Variants in GMCL1 observed in about 807,000 individuals in gnomAD.
GMCL1 encodes germ cell-less 1, spermatogenesis associated.
A neutral mutation model predicts 75.5 loss-of-function variants in GMCL1; 54 were observed. The ratio of observed to expected loss-of-function variants is 0.71; its 90% CI spans 0.57 to 0.90. The LOEUF is 0.90. Ranked by LOEUF, GMCL1 falls within the 40% of genes least tolerant of loss-of-function variation. The pLI, the probability that GMCL1 is intolerant of heterozygous loss-of-function variation, is 0.00. For missense variants in GMCL1, 537 were observed against 622.7 expected, an observed-to-expected ratio of 0.86 and a Z score of 1.47; for synonymous variants, 210 against 209.6, an observed-to-expected ratio of 1.00 and a Z score of -0.02.
At chr2:69,834,955 G>A (rs1674777945) in intron 1 of GMCL1, among the ~76,000 whole-genome samples, 1 of 151,770 alleles carries the variant, frequency 6.6e-6, no homozygotes, top group African/African-American at 2.4e-5. Context: ...TCATTAGGTT[G>A]TTTGGCCCTA....
intron 11 of GMCL1, among the ~76,000 whole-genome samples, chr2:69,868,302 C>G (rs1675878988): frequency 6.6e-6 from 1 of 151,986 alleles, no homozygotes; most frequent in South Asian, 2.1e-4. Context: ...ATGTTATTTA[C>G]TGCTATGATT....
At chr2:69,833,743 A>C (rs1437685012) in intron 1 of GMCL1, among the ~76,000 whole-genome samples, 8 of 152,240 alleles carry the variant, frequency 5.3e-5, no homozygotes, top group Admixed American at 5.2e-4. Context: ...CTTTATGAGA[A>C]GTTTTAGCTT....
At chr2:69,869,588 C>A (rs927430519) in intron 11 of GMCL1, 131 bp from the exon 12 acceptor site, 23 of 786,822 alleles carry the variant, frequency 2.9e-5, no homozygotes, top group African/African-American at 3.5e-5. Flanking sequence ...GAAAAAGTCA[C>A]TGACAAAAAG....
intron 7 of GMCL1, 35 bp downstream of exon 7, chr2:69,847,662 A>C: frequency 7.8e-7 from 1 of 1,282,700 alleles, no homozygotes; most frequent in Non-Finnish European, 1.1e-6. Context: ...TTATACAAGG[A>C]TGTCACCTCA....
Position 69,859,742 on chromosome 2 carries a change from T to TAAAA in GMCL1, c.1073-1523_1073-1520dup, listed in dbSNP as rs1207817401. ...GAGTGAGACCGTGTCTCTCTCTCTC[T>TAAAA]AAAAAAAAAAAAAAAAGTATATATG... On this transcript the variant is annotated intron_variant, in intron 9 of 13. Transcript: ENST00000282570. Among the ~76,000 whole-genome samples, 33 of 79,096 alleles carry TAAAA rather than the reference T, an allele frequency of 4.2e-4. 1 individual carries two copies. The highest frequency in any genetic ancestry group is 6.3e-3 in the Middle Eastern group (1 of 160). 51.9% of individuals were successfully genotyped at this position (79,096 alleles called of 152,430 possible).
At chr2:69,832,870 G>A (rs1674714618) in intron 1 of GMCL1, among the ~76,000 whole-genome samples, 1 of 152,132 alleles carries the variant, frequency 6.6e-6, no homozygotes, top group Non-Finnish European at 1.5e-5. Flanking sequence ...AGGACAAAAC[G>A]CTAAGGTAAA....
At chr2:69,867,697 A>G (rs1445318036) in intron 11 of GMCL1, among the ~76,000 whole-genome samples, 1 of 152,192 alleles carries the variant, frequency 6.6e-6, no homozygotes, top group Non-Finnish European at 1.5e-5. Flanking sequence ...ACTCTTGTCA[A>G]GGGTTGCACT....
At chr2:69,844,002 C>A in intron 5 of GMCL1, 129 bp from the exon 6 acceptor site, 1 of 455,552 alleles carries the variant, frequency 2.2e-6, no homozygotes, top group Non-Finnish European at 3.9e-6. Flanking sequence ...ACTAAATTTC[C>A]TATTGTTAAG....
chr2:69,865,370 A>G (rs1675780321), intron 11 of GMCL1, among the ~76,000 whole-genome samples: 1 of 152,184 alleles, frequency 6.6e-6, no homozygotes, highest in Non-Finnish European at 1.5e-5. Context: ...TTTCTTGGCC[A>G]GGTGCGGTGG....
intron 9 of GMCL1, among the ~76,000 whole-genome samples, chr2:69,857,474 A>C (rs957116114): frequency 7.9e-5 from 12 of 152,166 alleles, no homozygotes; most frequent in Non-Finnish European, 1.0e-4. Flanking sequence ...CAGCAATTGT[A>C]TCAATTTCTG....
Position 69,837,676 on chromosome 2 carries a change from T to C in GMCL1, c.384+6T>C, listed in dbSNP as rs1287273475. ...ACAAAATATATTTATGTCAAGTAAG[T>C]ATTTTTTCTATTTGAGTAACAGGGT... On this transcript the variant is annotated splice_donor_region_variant and intron_variant, in intron 2 of 13. Transcript: ENST00000282570. 3.8e-6 allele frequency: 6 copies of C among 1,592,772 alleles called. No homozygotes were observed. Among genetic ancestry groups the C allele is most frequent in the African/African-American group, 2.7e-5 (2 of 73,484 alleles).
At position 69,830,099 on chromosome 2, in the gene GMCL1, C is replaced by CGAGGAT. The variant is rs1182990582; in HGVS notation, c.213_218dup (p.Asp71_Glu72dup). On this transcript the variant is annotated inframe_insertion, in exon 1 of 14. Transcript: ENST00000282570. Reference sequence around the variant, plus strand: ...ACTGTCACCCTGACTCGGAGACGGACGAGGATGAGGAGGAGGGGGACGAGC... The same window carrying CGAGGAT: ...ACTGTCACCCTGACTCGGAGACGGACGAGGATGAGGATGAGGAGGAGGGGGACGAGC... The CGAGGAT allele has an allele frequency of 3.2e-6, 5 of 1,578,916 alleles. No individual in the cohort carries two copies. The East Asian group carries it at 1.2e-4, about 36-fold the overall frequency.
At chr2:69,847,369 A>G (rs143535596) in intron 6 of GMCL1, among the ~76,000 whole-genome samples, 174 bp from the exon 7 acceptor site, 61 of 152,320 alleles carry the variant, frequency 4.0e-4, no homozygotes, top group African/African-American at 1.4e-3. Flanking sequence ...AATTAAAAGT[A>G]TCCTTGTATC....
chr2:69,837,591 T>A lies in GMCL1; in HGVS notation c.305T>A (p.Phe102Tyr), dbSNP rs1383398400. 2.5e-6 allele frequency: 4 copies of A among 1,602,126 alleles called. No individual in the cohort carries two copies. Among genetic ancestry groups the A allele is most frequent in the Non-Finnish European group, 3.4e-6 (4 of 1,175,180 alleles). Residue 102 changes from phenylalanine to tyrosine, a missense_variant, in exon 2 of 14, where the codon TTT becomes TAT. Phe to Tyr is a conservative substitution (Grantham distance 22). Transcript: ENST00000282570. ...STSKYIYQTLFLNGENSDIKI... is the reference protein window; with the variant it reads ...STSKYIYQTLYLNGENSDIKI... The stretch of plus-strand genomic sequence containing the variant: ...TCTAAATATATTTATCAAACATTAT[T>A]TTTGAATGGTGAAAACAGTGACATT...
intron 9 of GMCL1, among the ~76,000 whole-genome samples, chr2:69,858,612 C>A (rs541535837): frequency 1.3e-5 from 2 of 151,926 alleles, no homozygotes; most frequent in East Asian, 3.9e-4. Context: ...TTTCCTTTTG[C>A]AATGCTATTA....
chr2:69,868,236 TA>T (rs34189384), intron 11 of GMCL1, among the ~76,000 whole-genome samples: 91 of 145,388 alleles, frequency 6.3e-4, no homozygotes, highest in Admixed American at 6.8e-4. Context: ...CCTGTCTCTT[TA>T]AAAAAAAAAA....
intron 1 of GMCL1, among the ~76,000 whole-genome samples, chr2:69,830,738 G>A (rs894557857): frequency 1.3e-5 from 2 of 150,440 alleles, no homozygotes; most frequent in Non-Finnish European, 2.9e-5. Flanking sequence ...TATGTAGGGC[G>A]GTGCTGCTGC....
At chr2:69,872,947 A>G (rs1676023736) in intron 13 of GMCL1, among the ~76,000 whole-genome samples, 1 of 152,186 alleles carries the variant, frequency 6.6e-6, no homozygotes, top group Non-Finnish European at 1.5e-5. Context: ...TTGTGTCCCC[A>G]CCATGTGCTT....
chr2:69,878,433 G>A (rs1315499197), intron 13 of GMCL1, among the ~76,000 whole-genome samples: 1 of 152,078 alleles, frequency 6.6e-6, no homozygotes, highest in Non-Finnish European at 1.5e-5. Flanking sequence ...GATCTCTTGA[G>A]CCCAGGAGTT....
Sources: allele counts gnomAD v4.1 joint callset (sites outside exome capture counted in the v4.1 genomes callset), GRCh38; gene constraint gnomAD v4.1.1; transcripts MANE v1.5; gene names NCBI Gene and HGNC (gene_info 2026-07-23, HGNC 2026-07-21).